The following NMS variants were observed in gnomAD, a reference collection of about 807,000 sequenced individuals.
NMS encodes neuromedin-S.
Under a neutral mutation model 32.2 loss-of-function variants are expected in NMS, and 30 were observed. The observed-to-expected ratio is 0.93, with a 90% CI of 0.70 to 1.26. The LOEUF is 1.26. Ranked by LOEUF, NMS falls within the 50% of genes most tolerant of loss-of-function variation. The pLI is 0.00. For missense variants in NMS, 190 were observed against 186.3 expected (o/e 1.02, Z -0.12); for synonymous variants, 76 against 58.5 (o/e 1.30, Z -1.37).
At chr2:100,476,278 G>A (rs189858140) in intron 3 of NMS, among the ~76,000 whole-genome samples, 22 of 152,252 alleles carry the variant, frequency 1.4e-4, no homozygotes, top group Admixed American at 1.2e-3. Context: ...AGTTAAAAAT[G>A]GTGATTATAA....
At chr2:100,481,267 A>C in intron 8 of NMS, 100 bp downstream of exon 8, 1 of 1,076,370 alleles carries the variant, frequency 9.3e-7, no homozygotes, top group Admixed American at 1.7e-5. Context: ...CCCCTTGGTA[A>C]ACTGGTGGAT....
At chr2:100,480,455 G>A (rs1447588242) in intron 6 of NMS, 41 bp from the exon 7 acceptor site, 1 of 1,606,182 alleles carries the variant, frequency 6.2e-7, no homozygotes, top group South Asian at 1.1e-5. Context: ...AGGTCATGAT[G>A]TGGTTCCTGT....
intron 3 of NMS, among the ~76,000 whole-genome samples, chr2:100,476,665 C>T (rs972138075): frequency 4.7e-5 from 7 of 147,404 alleles, no homozygotes; most frequent in South Asian, 2.2e-4. Flanking sequence ...TGAACACTTA[C>T]GCTATGGTTT....
intron 1 of NMS, among the ~76,000 whole-genome samples, chr2:100,470,987 G>A (rs1340562429): frequency 6.6e-6 from 1 of 151,110 alleles, no homozygotes; most frequent in Non-Finnish European, 1.5e-5. Flanking sequence ...GAAGGGCGCG[G>A]GAGGAGCGCA....
At chr2:100,472,987 G>A (rs1299060166) in intron 2 of NMS, 137 bp downstream of exon 2, 3 of 555,518 alleles carry the variant, frequency 5.4e-6, no homozygotes, top group East Asian at 2.9e-5. Context: ...ATTTTTCATG[G>A]CCTCATTTAA....
intron 3 of NMS, among the ~76,000 whole-genome samples, chr2:100,475,331 G>A (rs1677088798): frequency 6.6e-6 from 1 of 152,090 alleles, no homozygotes; most frequent in Admixed American, 6.6e-5. Flanking sequence ...GGAGCTCTAA[G>A]TTCACTCCTG....
At chr2:100,475,836 TA>T (rs1358101773) in intron 3 of NMS, among the ~76,000 whole-genome samples, 1 of 151,698 alleles carries the variant, frequency 6.6e-6, no homozygotes, top group Non-Finnish European at 1.5e-5. Flanking sequence ...CCGTCTCTAC[TA>T]AAAATACAAA....
In NMS at chr2:100,477,936, G is replaced by A. The variant is rs78423593; in HGVS notation, c.261+522G>A. 7.6e-3 allele frequency among the ~76,000 whole-genome samples: 1,161 copies of A among 152,264 alleles called. 13 individuals are homozygous for A. Among genetic ancestry groups the A allele is most frequent in the African/African-American group, 0.026 (1,078 of 41,540 alleles). On this transcript the variant is annotated intron_variant, in intron 5 of 9. Transcript: ENST00000376865. ...GTGTAGGTGAATTTCTATGGGGTAT[G>A]ATTTGAGGAATATTGGAGAGGCCAT...
intron 5 of NMS, 108 bp from the exon 6 acceptor site, chr2:100,479,245 C>A: frequency 4.0e-6 from 3 of 741,076 alleles, no homozygotes; most frequent in East Asian, 3.0e-5. Flanking sequence ...AAATTAAACC[C>A]ATTTGTAAGG....
intron 7 of NMS, 64 bp from the exon 8 acceptor site, chr2:100,481,062 A>G (rs1677207163): frequency 6.5e-7 from 1 of 1,545,456 alleles, no homozygotes; most frequent in African/African-American, 1.4e-5. Context: ...GTTCCTATAG[A>G]CATTTTTGAA....
At chr2:100,481,928 A>C (rs1258232967) in intron 8 of NMS, among the ~76,000 whole-genome samples, 1 of 152,180 alleles carries the variant, frequency 6.6e-6, no homozygotes, top group East Asian at 1.9e-4. Flanking sequence ...CGTTTCCTAG[A>C]AAGTGCTTTG....
chr2:100,482,957 C>T (rs1009082435), intron 9 of NMS, among the ~76,000 whole-genome samples: 1 of 152,200 alleles, frequency 6.6e-6, no homozygotes, highest in Non-Finnish European at 1.5e-5. Flanking sequence ...AGGGTCCCAG[C>T]AGTCCAAGGC....
intron 7 of NMS, 120 bp downstream of exon 7, chr2:100,480,651 T>A: frequency 1.1e-6 from 1 of 929,878 alleles, no homozygotes; most frequent in Non-Finnish European, 1.7e-6. Context: ...AGAGCTGGTC[T>A]CCAAAGGACC....
At chr2:100,471,412 G>A (rs557266145) in intron 1 of NMS, among the ~76,000 whole-genome samples, 2 of 152,246 alleles carry the variant, frequency 1.3e-5, no homozygotes, top group East Asian at 1.9e-4. Flanking sequence ...GGACCATGAA[G>A]GTCATCTGGT....
intron 3 of NMS, among the ~76,000 whole-genome samples, chr2:100,476,808 T>C (rs1291545839): frequency 6.6e-6 from 1 of 152,156 alleles, no homozygotes; most frequent in African/African-American, 2.4e-5. Flanking sequence ...TCTGCAAGGA[T>C]AGCAAAAATT....
chr2:100,471,559 A>G (rs572850375), intron 1 of NMS, among the ~76,000 whole-genome samples: 2 of 152,244 alleles, frequency 1.3e-5, no homozygotes, highest in South Asian at 4.1e-4. Context: ...TTTATATTAC[A>G]TTTTTGTAAA....
chr2:100,481,084 G>A, intron 7 of NMS, 42 bp from the exon 8 acceptor site: 1 of 1,606,720 alleles, frequency 6.2e-7, no homozygotes, highest in Non-Finnish European at 8.5e-7. Context: ...AACTTGTAAT[G>A]CAATATGGTT....
At chr2:100,477,555 C>T in intron 5 of NMS, 141 bp downstream of exon 5, 2 of 623,384 alleles carry the variant, frequency 3.2e-6, no homozygotes, top group Middle Eastern at 4.4e-4. Context: ...GGGGCTTTTC[C>T]CTGGGGCTGC....
At chr2:100,479,265 A>C in intron 5 of NMS, 88 bp from the exon 6 acceptor site, 1 of 874,038 alleles carries the variant, frequency 1.1e-6, no homozygotes, top group Non-Finnish European at 1.7e-6. Context: ...GGAAGTGAGT[A>C]GAAAGAAATG....
Sources: gnomAD v4.1 joint callset for allele counts (sites outside exome capture counted in the v4.1 genomes callset) on GRCh38, gnomAD v4.1.1 for gene constraint, MANE v1.5 for transcripts, NCBI Gene and HGNC (gene_info 2026-07-23, HGNC 2026-07-21) for gene names.